The following USP25 variants were observed in gnomAD, a reference collection of about 807,000 sequenced individuals.
USP25 encodes ubiquitin carboxyl-terminal hydrolase 25.
A neutral mutation model predicts 158.5 loss-of-function variants in USP25; 85 were observed. The observed-to-expected ratio is 0.54, with a 90% CI of 0.45 to 0.64. The LOEUF is 0.64. Ranked by LOEUF, USP25 falls within the 30% of genes least tolerant of loss-of-function variation. The pLI is 0.00. For missense variants in USP25, 1,242 were observed against 1,327.3 expected, an observed-to-expected ratio of 0.94 and a Z score of 1.00; for synonymous variants, 464 against 460.4, an observed-to-expected ratio of 1.01 and a Z score of -0.10.
At chr21:15,804,447 AAAAT>A (rs1479131676) in intron 6 of USP25, among the ~76,000 whole-genome samples, 1 of 151,606 alleles carries the variant, frequency 6.6e-6, no homozygotes, top group Non-Finnish European at 1.5e-5. Flanking sequence ...CTTTAGATAT[AAAAT>A]AAATGAGTAT....
chr21:15,877,047 T>C (rs1199581825), intron 24 of USP25: 3 of 152,220 alleles, frequency 2.0e-5, no homozygotes, highest in African/African-American at 7.2e-5. Flanking sequence ...ACCACTTGTT[T>C]TTATAGATAA....
At chr21:15,732,262 A>AT (rs941206434) in intron 1 of USP25, among the ~76,000 whole-genome samples, 4 of 151,866 alleles carry the variant, frequency 2.6e-5, no homozygotes, top group Admixed American at 1.3e-4. Context: ...GTTATTGGGG[A>AT]TTTTTTTTAG....
intron 11 of USP25, among the ~76,000 whole-genome samples, chr21:15,824,624 T>C (rs1224716946): frequency 1.3e-5 from 2 of 152,208 alleles, no homozygotes; most frequent in African/African-American, 2.4e-5. Context: ...TCTTTCCTTC[T>C]TTTTTGTTTT....
chr21:15,730,531 C>T (rs1568733524), intron 1 of USP25, 93 bp downstream of exon 1: 6 of 1,252,040 alleles, frequency 4.8e-6, no homozygotes, highest in African/African-American at 1.6e-5. Flanking sequence ...TCGCCGCCGC[C>T]GCCTTCCCGG....
chr21:15,800,132 T>G (rs1219634253), intron 6 of USP25, among the ~76,000 whole-genome samples: 1 of 151,336 alleles, frequency 6.6e-6, no homozygotes, highest in Non-Finnish European at 1.5e-5. Context: ...TAGTTTACAA[T>G]TTAAGGTCTT....
intron 17 of USP25, among the ~76,000 whole-genome samples, chr21:15,839,876 G>C (rs570479573): frequency 6.6e-6 from 1 of 151,962 alleles, no homozygotes; most frequent in Non-Finnish European, 1.5e-5. Context: ...TCTTAAAAAT[G>C]TTCTTTTATC....
chr21:15,808,854 G>C lies in USP25; in HGVS notation c.826G>C (p.Asp276His). The change falls in exon 8 of 26, where the codon GAT (aspartate) becomes CAT (histidine). Residue 276 changes from aspartate to histidine, a missense_variant. This residue lies in a region of USP25 where 627 missense variants were observed against 701.4 expected (regional missense o/e 0.89). Transcript: ENST00000400183. ...FTHKLLDWLE[D>H]AFQMKAEEET... Reference sequence around the variant, plus strand: ...ACACAAATTATTAGATTGGTTAGAAGATGCCTTCCAAATGAAAGCTGAAGA... The same window carrying C: ...ACACAAATTATTAGATTGGTTAGAACATGCCTTCCAAATGAAAGCTGAAGA... 1 of 1,611,474 alleles carries C rather than the reference G, an allele frequency of 6.2e-7. No individual in the cohort carries two copies. Among genetic ancestry groups the C allele is most frequent in the Non-Finnish European group, 8.5e-7 (1 of 1,179,362 alleles).
At chr21:15,839,147 A>AT (rs2038205431) in intron 17 of USP25, among the ~76,000 whole-genome samples, 1 of 152,102 alleles carries the variant, frequency 6.6e-6, no homozygotes, top group Non-Finnish European at 1.5e-5. Flanking sequence ...GTGCATTTAA[A>AT]TTTTTTGTTT....
intron 1 of USP25, among the ~76,000 whole-genome samples, chr21:15,747,887 T>A (rs2032691084): frequency 3.3e-5 from 5 of 152,268 alleles, no homozygotes. Flanking sequence ...GTATATGTTT[T>A]GCAAATATTT....
At chr21:15,855,353 A>G (rs1186072824) in intron 20 of USP25, among the ~76,000 whole-genome samples, 1 of 152,144 alleles carries the variant, frequency 6.6e-6, no homozygotes, top group Non-Finnish European at 1.5e-5. Flanking sequence ...TATTCAATAG[A>G]TATAAAAATG....
chr21:15,823,041 T>C (rs889773094), intron 10 of USP25, among the ~76,000 whole-genome samples: 1 of 152,056 alleles, frequency 6.6e-6, no homozygotes, highest in Non-Finnish European at 1.5e-5. Context: ...ATGTGTGCCA[T>C]TCATGCTTTT....
rs1194590170 is a variant in USP25 at position 15,757,580 on chromosome 21, T to C, written c.46-5311T>C. ...AACCCAGTGGCATACCAAAATATTG[T>C]CACTCACACTCACAGATTTGCTGGT... is the stretch of plus-strand genomic sequence containing the variant. On this transcript the variant is annotated intron_variant, in intron 1 of 25. Coordinates refer to ENST00000400183, the MANE Select transcript of USP25 (RefSeq NM_001283041.3). 2.0e-5 allele frequency among the ~76,000 whole-genome samples: 3 copies of C among 152,358 alleles called. No individual in the cohort carries two copies. In the South Asian group the frequency reaches 6.2e-4, roughly 32 times the overall value.
At chr21:15,871,080 C>T (rs1410263519) in intron 23 of USP25, among the ~76,000 whole-genome samples, 1 of 152,136 alleles carries the variant, frequency 6.6e-6, no homozygotes, top group Non-Finnish European at 1.5e-5. Flanking sequence ...TTCTATTGGA[C>T]AGTACTATTC....
chr21:15,861,156 A>T (rs889764045), intron 20 of USP25, among the ~76,000 whole-genome samples: 1 of 152,126 alleles, frequency 6.6e-6, no homozygotes, highest in African/African-American at 2.4e-5. Context: ...CTGATGGGTC[A>T]TCTGTAGGTA....
At chr21:15,867,801 AGGTGCGTGTGACTTCTGTG>A (rs1221436866) in intron 22 of USP25, among the ~76,000 whole-genome samples, 1 of 152,180 alleles carries the variant, frequency 6.6e-6, no homozygotes, top group Middle Eastern at 3.2e-3. Context: ...ATTTAACAAA[AGGTGCGTGTGACTTCTGTG>A]GGGAAAATTA....
chr21:15,750,344 G>T (rs549364779), intron 1 of USP25, among the ~76,000 whole-genome samples: 2 of 148,052 alleles, frequency 1.4e-5, no homozygotes, highest in South Asian at 4.3e-4. Context: ...CAATTCTTCT[G>T]TCAGCCTCCT....
chr21:15,783,788 T>G lies in USP25; in HGVS notation c.392+5761T>G, dbSNP rs752145174. Among the ~76,000 whole-genome samples the G allele has an allele frequency of 4.2e-5, 6 of 141,312 alleles. No homozygotes were observed. The East Asian group carries it at 1.0e-3, about 24-fold the overall frequency. 92.7% of individuals were successfully genotyped at this position (141,312 alleles called of 152,430 possible). A position where few individuals can be genotyped will look rare whatever the true frequency, so the allele number is the denominator to read the frequency against. ...TTGGTTAACATGGTGAAACCCCGTC[T>G]GTACTAAAAAAAAAAAAAAAAAATA... On this transcript the variant is annotated intron_variant, in intron 4 of 25. Transcript: ENST00000400183.
At chr21:15,853,935 G>A (rs1048504703) in intron 20 of USP25, among the ~76,000 whole-genome samples, 1 of 151,840 alleles carries the variant, frequency 6.6e-6, no homozygotes, top group Admixed American at 6.6e-5. Context: ...CATAGTTATT[G>A]GCATGTTTAA....
Position 15,730,160 on chromosome 21 carries a change from C to T in USP25, c.-234C>T. 1 of 204,656 alleles carries T rather than the reference C, an allele frequency of 4.9e-6. No individual in the cohort carries two copies. Among genetic ancestry groups the T allele is most frequent in the Non-Finnish European group, 8.6e-6 (1 of 116,702 alleles). The allele number at this position is 204,656 out of a possible 1,614,324, so 12.7% of individuals were successfully genotyped here. A position where few individuals can be genotyped will look rare whatever the true frequency, so the allele number is the denominator to read the frequency against. On this transcript the variant is annotated 5_prime_UTR_variant, in exon 1 of 26. Coordinates refer to ENST00000400183, the MANE Select transcript of USP25 (RefSeq NM_001283041.3). ...CGCGGACGAGCGGCGCTGAGGCGGG[C>T]CGCGTGGAGACGTGAGGCGGCCGCC...
Sources: gnomAD v4.1 joint callset for allele counts (sites outside exome capture counted in the v4.1 genomes callset) on GRCh38, gnomAD v4.1.1 for gene constraint, gnomAD v4.1.1 regional missense constraint, MANE v1.5 for transcripts, NCBI Gene and HGNC (gene_info 2026-07-23, HGNC 2026-07-21) for gene names.